The following ITGA4 variants were observed in gnomAD, a reference collection of about 807,000 sequenced individuals.
ITGA4 encodes the protein integrin subunit alpha 4, also known as integrin alpha-4.
ITGA4 carries 63 observed loss-of-function variants against 133.6 expected under a neutral mutation model. The observed-to-expected ratio is 0.47, with a 90% CI of 0.38 to 0.58. The LOEUF (loss-of-function observed/expected upper bound fraction) is 0.58. Ranked by LOEUF, ITGA4 falls within the 20% of genes least tolerant of loss-of-function variation. The pLI is 0.00. For missense variants in ITGA4, 1,076 were observed against 1,252.7 expected, an observed-to-expected ratio of 0.86 and a Z score of 2.13; for synonymous variants, 483 against 438.0, an observed-to-expected ratio of 1.10 and a Z score of -1.28.
At chr2:181,487,372 C>T (rs567354177) in intron 10 of ITGA4, among the ~76,000 whole-genome samples, 2 of 152,180 alleles carry the variant, frequency 1.3e-5, no homozygotes, top group South Asian at 4.2e-4. Context: ...ATTTTATGCC[C>T]TTCCTAGAAA....
intron 2 of ITGA4, chr2:181,459,283 T>C (rs921867356): frequency 6.7e-6 from 1 of 148,426 alleles, no homozygotes; most frequent in Non-Finnish European, 1.5e-5. Context: ...TTTTCTTCCA[T>C]GTATGTATCT....
Position 181,495,915 on chromosome 2 carries a change from C to A in ITGA4, c.1518C>A (p.Gly506=), listed in dbSNP as rs200212723. Reference sequence around the variant, plus strand: ...TAACACTTTGTTTCTCATATAAGGGCAAGGAAGTTCCAGGTTACATTGGTG... The same window carrying A: ...TAACACTTTGTTTCTCATATAAGGGAAAGGAAGTTCCAGGTTACATTGGTG... ...IDLTLCFSYK[G]KEVPGYIVLF... Residue 506 remains glycine, a synonymous_variant, in exon 14 of 28, where the codon GGC becomes GGA. Transcript: ENST00000397033. This position sits in a 1 kb window ranked among gnomAD's most constrained non-coding sequence, Gnocchi z 4.3. 7 of 1,613,698 alleles carry A rather than the reference C, an allele frequency of 4.3e-6. No individual in the cohort carries two copies. Among genetic ancestry groups the A allele is most frequent in the Non-Finnish European group, 5.9e-6 (7 of 1,179,848 alleles).
At chr2:181,508,527 C>A (rs1225109638) in intron 15 of ITGA4, among the ~76,000 whole-genome samples, 1 of 151,804 alleles carries the variant, frequency 6.6e-6, no homozygotes, top group African/African-American at 2.4e-5. Context: ...GAAACCTGGT[C>A]TTTACTAAAA....
chr2:181,487,776 T>A (rs1401985327), intron 10 of ITGA4, among the ~76,000 whole-genome samples: 2 of 152,038 alleles, frequency 1.3e-5, no homozygotes, highest in Admixed American at 6.5e-5. Flanking sequence ...AGTGGCACCC[T>A]TTTTTATAGC....
At chr2:181,508,408 A>G (rs977612995) in intron 15 of ITGA4, among the ~76,000 whole-genome samples, 4 of 152,100 alleles carry the variant, frequency 2.6e-5, no homozygotes, top group Non-Finnish European at 5.9e-5. Context: ...TAGAAAAAAC[A>G]AAAACGGCTG....
intron 10 of ITGA4, among the ~76,000 whole-genome samples, chr2:181,487,857 T>C (rs1042727461): frequency 1.8e-4 from 28 of 152,232 alleles, no homozygotes; most frequent in African/African-American, 6.8e-4. Context: ...GTTTAAGGGT[T>C]CTACCTAATA....
rs184530344 is a variant in ITGA4, at chr2:181,516,202, T to C, written c.1922+4427T>C. Among the ~76,000 whole-genome samples, 1 of 152,228 alleles carries C rather than the reference T, an allele frequency of 6.6e-6. No individual in the cohort carries two copies. Among genetic ancestry groups the C allele is most frequent in the East Asian group, 1.9e-4 (1 of 5,168 alleles). On this transcript the variant is annotated intron_variant, in intron 17 of 27. Coordinates refer to ENST00000397033, the MANE Select transcript of ITGA4 (RefSeq NM_000885.6). This position sits in a 1 kb window ranked among gnomAD's most constrained non-coding sequence, Gnocchi z 4.0. ...CTCATGTAAATGATACCGCAATACA[T>C]TTCTGCACCTCAGTTGTGCTTCCAG...
intron 15 of ITGA4, among the ~76,000 whole-genome samples, chr2:181,504,173 C>T (rs1038735530): frequency 6.6e-6 from 1 of 152,052 alleles, no homozygotes; most frequent in Non-Finnish European, 1.5e-5. Context: ...ACAAAGAATG[C>T]CTGTCCCCAG....
chr2:181,468,379 A>G (rs1050444204), intron 2 of ITGA4, among the ~76,000 whole-genome samples: 1 of 152,198 alleles, frequency 6.6e-6, no homozygotes, highest in African/African-American at 2.4e-5. Flanking sequence ...ATGCAGTAGT[A>G]CATTCTAGTA....
chr2:181,469,474 A>G (rs566454671), intron 2 of ITGA4, among the ~76,000 whole-genome samples: 3 of 152,328 alleles, frequency 2.0e-5, no homozygotes, highest in Non-Finnish European at 2.9e-5. Flanking sequence ...ATGGGACTGT[A>G]AACTAGTTCA....
chr2:181,534,337 A>G lies in ITGA4; in HGVS notation c.2850A>G (p.Val950=), dbSNP rs751608423. The change falls in exon 26 of 28, where the codon GTA becomes GTG. Residue 950 remains valine, a synonymous_variant. Coordinates refer to ENST00000397033, the MANE Select transcript of ITGA4 (RefSeq NM_000885.6). ...ATGFPEPNPR[V]IELNKDENVA... ...GTTTTCCAGAGCCAAATCCAAGAGT[A>G]ATTGAACTAAACAAGGATGAGAATG... The G allele has an allele frequency of 2.5e-6, 4 of 1,607,096 alleles. No homozygotes were observed. The African/African-American group carries it at 5.4e-5, about 21-fold the overall frequency.
intron 17 of ITGA4, among the ~76,000 whole-genome samples, chr2:181,514,504 A>T (rs1015007399): frequency 1.3e-5 from 2 of 148,652 alleles, no homozygotes; most frequent in African/African-American, 4.9e-5. Flanking sequence ...GAGACTACGG[A>T]CTACTTTGTA....
chr2:181,529,492 C>A (rs114108021), intron 22 of ITGA4, 49 bp from the exon 23 acceptor site: 8 of 912,358 alleles, frequency 8.8e-6, no homozygotes, highest in African/African-American at 1.7e-5. Context: ...TCTGTACTTA[C>A]ATTTATAGAA....
intron 4 of ITGA4, among the ~76,000 whole-genome samples, chr2:181,477,154 G>T (rs1685695439): frequency 6.6e-6 from 1 of 152,000 alleles, no homozygotes; most frequent in Non-Finnish European, 1.5e-5. Flanking sequence ...GGGAAAATTG[G>T]CTATCTGCGT....
intron 2 of ITGA4, among the ~76,000 whole-genome samples, chr2:181,466,328 C>G (rs1484233557): frequency 6.6e-6 from 1 of 152,038 alleles, no homozygotes; most frequent in Non-Finnish European, 1.5e-5. Flanking sequence ...CTGGCTTTTT[C>G]AGGACTACAA....
intron 2 of ITGA4, 161 bp downstream of exon 2, chr2:181,458,478 A>C: frequency 1.4e-6 from 1 of 737,256 alleles, no homozygotes; most frequent in Non-Finnish European, 2.2e-6. Context: ...CCTTAATATA[A>C]AAGGGATTCC....
intron 17 of ITGA4, among the ~76,000 whole-genome samples, chr2:181,521,177 T>C (rs891385570): frequency 6.6e-6 from 1 of 152,168 alleles, no homozygotes; most frequent in Non-Finnish European, 1.5e-5. Flanking sequence ...TTTCTGAATG[T>C]TAAATTACTA....
intron 15 of ITGA4, among the ~76,000 whole-genome samples, chr2:181,499,696 C>A (rs950483718): frequency 4.6e-5 from 7 of 152,120 alleles, no homozygotes; most frequent in African/African-American, 1.7e-4. Flanking sequence ...CTAGAATAAA[C>A]CTATTAGATG....
At chr2:181,509,130 T>C (rs1686451408) in intron 15 of ITGA4, among the ~76,000 whole-genome samples, 2 of 103,790 alleles carry the variant, frequency 1.9e-5, no homozygotes, top group South Asian at 6.0e-4. Flanking sequence ...ACACATCCCA[T>C]CTCTTAAAAA....
Sources: allele counts gnomAD v4.1 joint callset (sites outside exome capture counted in the v4.1 genomes callset), GRCh38; gene constraint gnomAD v4.1.1; non-coding constraint Gnocchi (gnomAD v3.1); transcripts MANE v1.5; gene names NCBI Gene and HGNC (gene_info 2026-07-23, HGNC 2026-07-21).